Variants in SORCS2 observed in about 807,000 individuals in gnomAD.
SORCS2 encodes sortilin related VPS10 domain containing receptor 2, also known as VPS10 domain-containing receptor SorCS2.
SORCS2 carries 100 observed loss-of-function variants against 141.6 expected under a neutral mutation model. That is an observed-to-expected ratio of 0.71 (90% confidence interval 0.60 to 0.83). The LOEUF is 0.83. Among genes scored for constraint, SORCS2 ranks in the 40% least tolerant of loss-of-function variants. The pLI, the probability that SORCS2 is intolerant of heterozygous loss-of-function variation, is 0.00. For synonymous variants in SORCS2, 789 were observed against 676.9 expected (o/e 1.17, Z -2.57); for missense variants, 1,646 against 1,560.2 (o/e 1.05, Z -0.93).
intron 19 of SORCS2, among the ~76,000 whole-genome samples, chr4:7,724,918 A>ATGGTG (rs1560115080): frequency 3.6e-5 from 1 of 27,834 alleles, no homozygotes; most frequent in African/African-American, 1.9e-4. Flanking sequence ...TATTGGTGGG[A>ATGGTG]ATGGATGGTG....
intron 2 of SORCS2, among the ~76,000 whole-genome samples, chr4:7,427,407 C>A (rs1726521575): frequency 6.6e-6 from 1 of 152,208 alleles, no homozygotes; most frequent in East Asian, 1.9e-4. Flanking sequence ...GGGGGGCCAA[C>A]TGTCCCCGAC....
At chr4:7,554,865 A>C (rs951896937) in intron 3 of SORCS2, among the ~76,000 whole-genome samples, 2 of 152,214 alleles carry the variant, frequency 1.3e-5, no homozygotes, top group African/African-American at 4.8e-5. Context: ...ATGTAAAGGC[A>C]TATTGGAACA....
At chr4:7,457,626 G>A (rs931731325) in intron 2 of SORCS2, among the ~76,000 whole-genome samples, 7 of 152,032 alleles carry the variant, frequency 4.6e-5, no homozygotes, top group Non-Finnish European at 7.4e-5. Context: ...AGCATTGCAA[G>A]CTGACAGGTA....
chr4:7,354,451 A>G (rs1055344613), intron 1 of SORCS2, among the ~76,000 whole-genome samples: 2 of 151,934 alleles, frequency 1.3e-5, no homozygotes, highest in African/African-American at 4.8e-5. Flanking sequence ...TGAAAGAGAG[A>G]CAACAAGGTG....
At chr4:7,462,801 G>A (rs1420289113) in intron 2 of SORCS2, among the ~76,000 whole-genome samples, 1 of 150,592 alleles carries the variant, frequency 6.6e-6, no homozygotes, top group Non-Finnish European at 1.5e-5. Flanking sequence ...ACAACAGCAT[G>A]TTGTGAGCAC....
rs371490897 is a variant in SORCS2, at chr4:7,616,426, T to TCCTCCATC, written c.649-21900_649-21893dup. Among the ~76,000 whole-genome samples, 1,468 of 152,084 alleles carry TCCTCCATC rather than the reference T, an allele frequency of 9.7e-3. 30 individuals are homozygous for TCCTCCATC. The highest frequency in any genetic ancestry group is 0.033 in the African/African-American group (1,377 of 41,476). Reference sequence around the variant, plus strand: ...ATCTATCCATCCATCCATCCACTTATCCTCCATCCATCCATCCACCCATCT... The same window carrying TCCTCCATC: ...ATCTATCCATCCATCCATCCACTTATCCTCCATCCCTCCATCCATCCATCCACCCATCT... On this transcript the variant is annotated intron_variant, in intron 3 of 26. Transcript: ENST00000507866.
At chr4:7,263,403 G>A (rs1033775117) in intron 1 of SORCS2, among the ~76,000 whole-genome samples, 18 of 152,042 alleles carry the variant, frequency 1.2e-4, no homozygotes, top group South Asian at 8.3e-4. Flanking sequence ...GAAAGCACCC[G>A]TCATTCTGGT....
chr4:7,557,949 C>T (rs142391013), intron 3 of SORCS2, among the ~76,000 whole-genome samples: 5 of 152,202 alleles, frequency 3.3e-5, no homozygotes, highest in Non-Finnish European at 7.4e-5. Context: ...AGAGGCAGAG[C>T]GACCTACTCA....
intron 2 of SORCS2, among the ~76,000 whole-genome samples, chr4:7,450,113 C>T (rs544880455): frequency 9.2e-5 from 14 of 152,296 alleles, no homozygotes; most frequent in Admixed American, 7.2e-4. Flanking sequence ...GGGACCTGGG[C>T]TCTGCAGACT....
At chr4:7,647,514 T>C (rs1483009540) in intron 4 of SORCS2, among the ~76,000 whole-genome samples, 1 of 152,194 alleles carries the variant, frequency 6.6e-6, no homozygotes, top group Non-Finnish European at 1.5e-5. Flanking sequence ...AGTTCCATGA[T>C]GCAGGGCCCT....
intron 3 of SORCS2, among the ~76,000 whole-genome samples, chr4:7,588,905 G>A (rs982966143): frequency 9.9e-5 from 15 of 152,162 alleles, no homozygotes; most frequent in Non-Finnish European, 2.1e-4. Flanking sequence ...GGCTCCTATC[G>A]GAACCGCTTC....
At chr4:7,246,568 A>G (rs1172730237) in intron 1 of SORCS2, among the ~76,000 whole-genome samples, 3 of 152,156 alleles carry the variant, frequency 2.0e-5, no homozygotes, top group Non-Finnish European at 4.4e-5. Context: ...TGAACCACAG[A>G]TCTTGTCTGT....
intron 1 of SORCS2, among the ~76,000 whole-genome samples, chr4:7,333,099 G>A (rs1347447076): frequency 6.6e-6 from 1 of 152,248 alleles, no homozygotes; most frequent in African/African-American, 2.4e-5. Flanking sequence ...AGAGCAAGTG[G>A]ATGGGACAAG....
intron 2 of SORCS2, among the ~76,000 whole-genome samples, chr4:7,421,938 T>A (rs899297723): frequency 3.4e-5 from 5 of 147,626 alleles, no homozygotes; most frequent in Non-Finnish European, 7.4e-5. Context: ...TCACGCTCCC[T>A]CCCCCATGGT....
At chr4:7,582,289 A>G (rs1049699877) in intron 3 of SORCS2, among the ~76,000 whole-genome samples, 4 of 152,232 alleles carry the variant, frequency 2.6e-5, no homozygotes, top group African/African-American at 9.6e-5. Flanking sequence ...TGGATGTCTG[A>G]CGACAAAGGC....
chr4:7,384,059 G>T (rs1219290431), intron 1 of SORCS2, among the ~76,000 whole-genome samples: 1 of 152,186 alleles, frequency 6.6e-6, no homozygotes, highest in African/African-American at 2.4e-5. Context: ...TCAGACACTG[G>T]GTTTCGTGCC....
chr4:7,347,936 G>A (rs1044452177), intron 1 of SORCS2, among the ~76,000 whole-genome samples: 1 of 152,148 alleles, frequency 6.6e-6, no homozygotes, highest in African/African-American at 2.4e-5. Context: ...ATAGACTTGC[G>A]ATTAATACCC....
chr4:7,455,445 AG>A (rs556897168), intron 2 of SORCS2, among the ~76,000 whole-genome samples: 18 of 115,210 alleles, frequency 1.6e-4, no homozygotes, highest in African/African-American at 6.0e-4. Flanking sequence ...TGTTGGGGTC[AG>A]GAGCTGTGTG....
intron 1 of SORCS2, among the ~76,000 whole-genome samples, chr4:7,235,262 G>T (rs908828378): frequency 6.6e-6 from 1 of 152,334 alleles, no homozygotes; most frequent in East Asian, 1.9e-4. Context: ...TCTGCTGCCC[G>T]CGCCAGGCTC....
Sources: gnomAD v4.1 joint callset for allele counts (sites outside exome capture counted in the v4.1 genomes callset) on GRCh38, gnomAD v4.1.1 for gene constraint, MANE v1.5 for transcripts, NCBI Gene and HGNC (gene_info 2026-07-23, HGNC 2026-07-21) for gene names.